Variants in RIOK3 observed in about 807,000 individuals in gnomAD.
The protein encoded by RIOK3 is serine/threonine-protein kinase RIO3.
Under a neutral mutation model 63.5 loss-of-function variants are expected in RIOK3, and 40 were observed. The observed-to-expected ratio is 0.63, with a 90% CI of 0.49 to 0.82. RIOK3 has a LOEUF of 0.82. Ranked by LOEUF, RIOK3 falls within the 40% of genes least tolerant of loss-of-function variation. RIOK3 has a pLI of 0.00. For synonymous variants in RIOK3, 193 were observed against 205.0 expected (o/e 0.94, Z 0.50); for missense variants, 557 against 637.0 (o/e 0.87, Z 1.35).
chr18:23,469,487 CTTCT>C (rs2057441172), intron 7 of RIOK3, among the ~76,000 whole-genome samples: 1 of 138,804 alleles, frequency 7.2e-6, no homozygotes, highest in African/African-American at 2.7e-5. Flanking sequence ...TTTTTCTTTC[CTTCT>C]TTCTTTTTTT....
intron 1 of RIOK3, among the ~76,000 whole-genome samples, chr18:23,458,051 G>A (rs942967531): frequency 8.1e-5 from 12 of 148,932 alleles, no homozygotes; most frequent in South Asian, 2.1e-4. Context: ...GCATCACCAC[G>A]CCTGGCTAGT....
chr18:23,454,375 T>A (rs1191762656), intron 1 of RIOK3, among the ~76,000 whole-genome samples: 1 of 152,248 alleles, frequency 6.6e-6, no homozygotes, highest in Admixed American at 6.5e-5. Context: ...AAGGGGTCAA[T>A]AATTAGCTAT....
intron 1 of RIOK3, among the ~76,000 whole-genome samples, chr18:23,457,868 G>T (rs1415115228): frequency 2.0e-5 from 3 of 151,812 alleles, no homozygotes; most frequent in Admixed American, 2.0e-4. Context: ...AATTTTTGTT[G>T]CTGTGTGCCT....
Position 23,481,450 on chromosome 18 carries a change from T to C in RIOK3, c.*171T>C, listed in dbSNP as rs1227123886. On this transcript the variant is annotated 3_prime_UTR_variant, in exon 13 of 13. Coordinates refer to ENST00000339486, the MANE Select transcript of RIOK3 (RefSeq NM_003831.5). ...GATGTGTGGAATTTTTAGCTCAGCATTGAGAGAATAAAATGTCACTACCTC... is the reference window on the plus strand; with the variant it reads ...GATGTGTGGAATTTTTAGCTCAGCACTGAGAGAATAAAATGTCACTACCTC... 5.9e-6 allele frequency: 3 copies of C among 504,308 alleles called. No homozygotes were observed. The highest frequency in any genetic ancestry group is 1.0e-5 in the Non-Finnish European group (3 of 287,800). The allele number at this position is 504,308 out of a possible 1,614,324, so 31.2% of individuals were successfully genotyped here. A position where few individuals can be genotyped will look rare whatever the true frequency, so the allele number is the denominator to read the frequency against.
chr18:23,466,486 C>G (rs2057408861), intron 6 of RIOK3, among the ~76,000 whole-genome samples: 1 of 151,812 alleles, frequency 6.6e-6, no homozygotes, highest in Admixed American at 6.6e-5. Flanking sequence ...TTACTTGAGC[C>G]TAGGAGTGCA....
intron 12 of RIOK3, 137 bp downstream of exon 12, chr18:23,479,561 G>A: frequency 3.6e-6 from 2 of 557,848 alleles, no homozygotes; most frequent in Non-Finnish European, 3.2e-6. Context: ...TTCTTAAGAT[G>A]TTTTTGGTTT....
chr18:23,481,403 C>A lies in RIOK3; in HGVS notation c.*124C>A. 1 of 603,670 alleles carries A rather than the reference C, an allele frequency of 1.7e-6. No homozygotes were observed. Among genetic ancestry groups the A allele is most frequent in the African/African-American group, 1.9e-5 (1 of 52,238 alleles). The allele number at this position is 603,670 out of a possible 1,614,324, so 37.4% of individuals were successfully genotyped here. ...TGGGCAATGGTGCTTCTGTGCTTTT[C>A]CCCCTTGTAACCCATGTGCCAGATG... On this transcript the variant is annotated 3_prime_UTR_variant, in exon 13 of 13. Transcript: ENST00000339486.
In RIOK3 at chr18:23,481,661, C is replaced by G. The variant is rs879017646; in HGVS notation, c.*382C>G. ...AAGGGAGGATTTTACAACATACTTGCTTTATTCACCTCCCTGTTTTGTGTT... is the reference window on the plus strand; with the variant it reads ...AAGGGAGGATTTTACAACATACTTGGTTTATTCACCTCCCTGTTTTGTGTT... On this transcript the variant is annotated 3_prime_UTR_variant, in exon 13 of 13. Transcript: ENST00000339486. 1.3e-5 allele frequency: 2 copies of G among 158,940 alleles called. No individual in the cohort carries two copies. The highest frequency in any genetic ancestry group is 2.8e-5 in the Non-Finnish European group (2 of 72,586). The allele number at this position is 158,940 out of a possible 1,614,324, so 9.8% of individuals were successfully genotyped here. A position where few individuals can be genotyped will look rare whatever the true frequency, so the allele number is the denominator to read the frequency against.
intron 7 of RIOK3, among the ~76,000 whole-genome samples, chr18:23,469,324 TCTCTCTCTCTCTC>T (rs2057433154): frequency 3.2e-5 from 1 of 30,894 alleles, no homozygotes; most frequent in African/African-American, 1.5e-4. Flanking sequence ...TCTCTCTCTC[TCTCTCTCTCTCTC>T]CCCCTCTCTC....
rs1449979720 is a variant in RIOK3 at position 23,466,172 on chromosome 18, G to T, written c.583G>T (p.Asp195Tyr). 12 of 1,608,646 alleles carry T rather than the reference G, an allele frequency of 7.5e-6. No homozygotes were observed. The highest frequency in any genetic ancestry group is 1.0e-5 in the Non-Finnish European group (12 of 1,178,178). ...TCAGGTAGGAGATGGAATTGGAATG[G>T]ATTTAAAACTATCAAACCATGTTTT... The part of the protein sequence containing the change: ...EFQVGDGIGM[D>Y]LKLSNHVFNA... Residue 195 changes from aspartate (D) to tyrosine (Y), a missense_variant, in exon 6 of 13, where the codon GAT becomes TAT. Asp to Tyr is a radical substitution (Grantham distance 160, BLOSUM62 -3). Around this residue, in one of 3 missense-constraint regions of RIOK3, gnomAD observed 243 missense variants for 275.4 expected, o/e 0.88. Coordinates refer to ENST00000339486, the MANE Select transcript of RIOK3 (RefSeq NM_003831.5).
intron 1 of RIOK3, chr18:23,456,493 A>G (rs1026570479): frequency 2.0e-5 from 3 of 152,214 alleles, no homozygotes; most frequent in African/African-American, 7.2e-5. Flanking sequence ...GTTAACATAA[A>G]TAACATTTTT....
In RIOK3 at chr18:23,482,229, G is replaced by A. The variant is rs1032116364; in HGVS notation, c.*950G>A. 6.6e-6 allele frequency: 1 copy of A among 152,090 alleles called. No homozygotes were observed. Among genetic ancestry groups the A allele is most frequent in the East Asian group, 1.9e-4 (1 of 5,198 alleles). 9.4% of individuals were successfully genotyped at this position (152,090 alleles called of 1,614,324 possible). On this transcript the variant is annotated 3_prime_UTR_variant, in exon 13 of 13. Coordinates refer to ENST00000339486, the MANE Select transcript of RIOK3 (RefSeq NM_003831.5). ...AAGGTATATATAAAACAATTTGGGG[G>A]CCAGGCACGATGGCTCAAACCTGTA...
At chr18:23,469,352 T>A (rs1483025138) in intron 7 of RIOK3, among the ~76,000 whole-genome samples, 2 of 2,346 alleles carry the variant, frequency 8.5e-4, no homozygotes, top group African/African-American at 4.0e-3. Flanking sequence ...TCTCTCCCCC[T>A]CTCTCCCTCC....
rs189971895 is a variant in RIOK3 at position 23,471,566 on chromosome 18, G to A, written c.816-1863G>A. 1.0e-3 allele frequency among the ~76,000 whole-genome samples: 158 copies of A among 152,322 alleles called. 1 individual carries two copies. The highest frequency in any genetic ancestry group is 1.3e-3 in the Non-Finnish European group (90 of 68,040). On this transcript the variant is annotated intron_variant, in intron 7 of 12. Transcript: ENST00000339486. ...GTGTGGAAAATGAATTATAGGAGGA[G>A]AAGAGAAGAAGCAGTAAGATCAGTT...
intron 1 of RIOK3, 67 bp from the exon 2 acceptor site, chr18:23,462,897 T>C: frequency 1.5e-6 from 1 of 683,500 alleles, no homozygotes; most frequent in Non-Finnish European, 2.3e-6. Context: ...TATAACATTA[T>C]TTGTAAAATG....
At chr18:23,467,313 T>C (rs980401275) in intron 6 of RIOK3, 86 bp from the exon 7 acceptor site, 1 of 1,246,760 alleles carries the variant, frequency 8.0e-7, no homozygotes, top group African/African-American at 1.5e-5. Flanking sequence ...AGACTCCGTC[T>C]CAAAAAAAAA....
At chr18:23,457,525 A>G (rs1238693862) in intron 1 of RIOK3, among the ~76,000 whole-genome samples, 1 of 152,216 alleles carries the variant, frequency 6.6e-6, no homozygotes, top group Non-Finnish European at 1.5e-5. Flanking sequence ...ATAATTATGT[A>G]TCAATATTGG....
At chr18:23,476,678 G>T (rs549351420) in intron 9 of RIOK3, among the ~76,000 whole-genome samples, 17 of 152,324 alleles carry the variant, frequency 1.1e-4, no homozygotes, top group African/African-American at 4.1e-4. Context: ...GGAGGCCGAG[G>T]TGGGCAGGTC....
chr18:23,459,974 G>A (rs1196851433), intron 1 of RIOK3, among the ~76,000 whole-genome samples: 1 of 152,218 alleles, frequency 6.6e-6, no homozygotes, highest in African/African-American at 2.4e-5. Context: ...GATTACAGGC[G>A]TGAGCCACTG....
Sources: gnomAD v4.1 joint callset for allele counts (sites outside exome capture counted in the v4.1 genomes callset) on GRCh38, gnomAD v4.1.1 for gene constraint, gnomAD v4.1.1 regional missense constraint, MANE v1.5 for transcripts, NCBI Gene and HGNC (gene_info 2026-07-23, HGNC 2026-07-21) for gene names.